The following REPIN1 variants were observed in gnomAD, a reference collection of about 807,000 sequenced individuals.
REPIN1 encodes the protein DNA-binding protein REPIN1.
In REPIN1, 4 loss-of-function variants were observed where a neutral mutation model predicts 5.7. The observed-to-expected ratio is 0.71, with a 90% CI of 0.35 to 1.62. The LOEUF is 1.62. Ranked by LOEUF, REPIN1 falls within the 40% of genes most tolerant of loss-of-function variation. The pLI is 0.05. For synonymous variants in REPIN1, 410 were observed against 386.2 expected, an observed-to-expected ratio of 1.06 and a Z score of -0.72; for missense variants, 854 against 901.0, an observed-to-expected ratio of 0.95 and a Z score of 0.67.
At position 150,369,766 on chromosome 7, in the gene REPIN1, C is replaced by G. The variant is rs752338693; in HGVS notation, c.55C>G (p.Arg19Gly). 3.7e-6 allele frequency: 6 copies of G among 1,613,840 alleles called. No homozygotes were observed. Among genetic ancestry groups the G allele is most frequent in the East Asian group, 4.5e-5 (2 of 44,880 alleles). The change falls in exon 2 of 3, where the codon CGG (arginine) becomes GGG (glycine). Residue 19 changes from arginine (R) to glycine (G), a missense_variant. By Grantham distance (125) the Arg-to-Gly change is moderately radical. This residue lies in a region of REPIN1 where 409 missense variants were observed against 418.6 expected (regional missense o/e 0.98). Transcript: ENST00000489432. ...LQFSLTPGGYRSVGRSRRCSR... is the reference protein window; with the variant it reads ...LQFSLTPGGYGSVGRSRRCSR... Reference sequence around the variant, plus strand: ...GTTTTCTCTAACACCTGGGGGCTACCGGAGTGTGGGCCGAAGCAGGCGCTG... The same window carrying G: ...GTTTTCTCTAACACCTGGGGGCTACGGGAGTGTGGGCCGAAGCAGGCGCTG...
Position 150,372,368 on chromosome 7 carries a change from G to A in REPIN1, c.1298G>A (p.Ser433Asn), listed in dbSNP as rs1406283860. 1 of 1,496,082 alleles carries A rather than the reference G, an allele frequency of 6.7e-7. No homozygotes were observed. Among genetic ancestry groups the A allele is most frequent in the South Asian group, 1.3e-5 (1 of 78,192 alleles). 92.7% of individuals were successfully genotyped at this position (1,496,082 alleles called of 1,614,324 possible). ...ATCGAAGCCCCCCCCTCCCTCTACA[G>A]CTGCGACGACTGCGGCAGGAGCTTC... ...DPIEAPPSLYSCDDCGRSFRL... is the reference protein window; with the variant it reads ...DPIEAPPSLYNCDDCGRSFRL... The change falls in exon 3 of 3, where the codon AGC becomes AAC. Residue 433 changes from serine to asparagine, a missense_variant. Ser to Asn is a conservative substitution (Grantham distance 46, BLOSUM62 1). Coordinates refer to ENST00000489432, the MANE Select transcript of REPIN1 (RefSeq NM_001099695.2).
In REPIN1 at chr7:150,372,587, A is replaced by G; in HGVS notation, c.1517A>G (p.His506Arg). Reference sequence around the variant, plus strand: ...TCCCAGGGCAGCCATCTGGCGGCGCATCGGCGCGACCACGCCCCCGATCGG... The same window carrying G: ...TCCCAGGGCAGCCATCTGGCGGCGCGTCGGCGCGACCACGCCCCCGATCGG... ...RFSQGSHLAA[H>R]RRDHAPDRPF... Residue 506 changes from histidine (H) to arginine (R), a missense_variant, in exon 3 of 3, where the codon CAT becomes CGT. Transcript: ENST00000489432. The G allele has an allele frequency of 3.1e-6, 5 of 1,604,452 alleles. No homozygotes were observed. Among genetic ancestry groups the G allele is most frequent in the Non-Finnish European group, 4.2e-6 (5 of 1,177,634 alleles).
chr7:150,368,490 C>G (rs1799058209), upstream of REPIN1, among the ~76,000 whole-genome samples: 1 of 152,102 alleles, frequency 6.6e-6, no homozygotes, highest in Admixed American at 6.5e-5. Context: ...CCGAACACCC[C>G]GGTGACCATA....
In REPIN1 at chr7:150,371,598, C is replaced by T. The variant is rs909310623; in HGVS notation, c.528C>T (p.His176=). Residue 176 remains histidine, a synonymous_variant, in exon 3 of 3, where the codon CAC becomes CAT. Transcript: ENST00000489432. ...AATPDLGFAC[H]LCGQSFRGWV... Reference sequence around the variant, plus strand: ...CCCCAGACCTGGGCTTTGCCTGCCACCTCTGTGGGCAGAGCTTCCGAGGCT... The same window carrying T: ...CCCCAGACCTGGGCTTTGCCTGCCATCTCTGTGGGCAGAGCTTCCGAGGCT... 2 of 1,604,922 alleles carry T rather than the reference C, an allele frequency of 1.2e-6. No homozygotes were observed. The highest frequency in any genetic ancestry group is 1.3e-5 in the African/African-American group (1 of 74,924).
At position 150,371,536 on chromosome 7, in the gene REPIN1, T is replaced by G; in HGVS notation, c.466T>G (p.Phe156Val). Residue 156 changes from phenylalanine to valine, a missense_variant, in exon 3 of 3, where the codon TTC (phenylalanine) becomes GTC (valine). By Grantham distance (50) the Phe-to-Val change is conservative (BLOSUM62 -1). Transcript: ENST00000489432. ...ECGRRFRHAP[F>V]LALHRQVHAA... ...TGGCCGTCGCTTTCGCCATGCCCCC[T>G]TCTTAGCACTGCACCGCCAGGTCCA... 6.2e-7 allele frequency: 1 copy of G among 1,605,202 alleles called. No individual in the cohort carries two copies. Among genetic ancestry groups the G allele is most frequent in the Non-Finnish European group, 8.5e-7 (1 of 1,179,570 alleles).
At position 150,373,018 on chromosome 7, in the gene REPIN1, G is replaced by A. The variant is rs568786439; in HGVS notation, c.*73G>A. Reference sequence around the variant, plus strand: ...TGGTGGGAGTCGCAGTGGGCTGGGGGTGCCTGCCTAGTGCTGGAGTAGGGG... The same window carrying A: ...TGGTGGGAGTCGCAGTGGGCTGGGGATGCCTGCCTAGTGCTGGAGTAGGGG... On this transcript the variant is annotated 3_prime_UTR_variant, in exon 3 of 3. Coordinates refer to ENST00000489432, the MANE Select transcript of REPIN1 (RefSeq NM_001099695.2). 5.2e-6 allele frequency: 8 copies of A among 1,548,708 alleles called. No homozygotes were observed. Among genetic ancestry groups the A allele is most frequent in the South Asian group, 1.2e-5 (1 of 80,850 alleles).
rs961330211 is a variant in REPIN1, at chr7:150,373,070, A to G, written c.*125A>G. ...CAATGGGAATCCTAGAGGGGATGGA[A>G]GACGCGGGGAGTGAGCTGGGTGGGC... is the stretch of plus-strand genomic sequence containing the variant. On this transcript the variant is annotated 3_prime_UTR_variant, in exon 3 of 3. Transcript: ENST00000489432. 2.2e-6 allele frequency: 3 copies of G among 1,350,122 alleles called. No individual in the cohort carries two copies. Among genetic ancestry groups the G allele is most frequent in the Middle Eastern group, 3.9e-4 (2 of 5,114 alleles). The allele number at this position is 1,350,122 out of a possible 1,614,324, so 83.6% of individuals were successfully genotyped here.
Position 150,371,555 on chromosome 7 carries a change from A to G in REPIN1, c.485A>G (p.Gln162Arg). The change falls in exon 3 of 3, where the codon CAG becomes CGG. Residue 162 changes from glutamine to arginine, a missense_variant. Physicochemically the swap from Gln to Arg is conservative, Grantham distance 43 (BLOSUM62 1). Transcript: ENST00000489432. ...RHAPFLALHR[Q>R]VHAAATPDLG... ...GCCCCCTTCTTAGCACTGCACCGCC[A>G]GGTCCATGCTGCTGCCACCCCAGAC... 1 of 1,604,878 alleles carries G rather than the reference A, an allele frequency of 6.2e-7. No homozygotes were observed. Among genetic ancestry groups the G allele is most frequent in the Non-Finnish European group, 8.5e-7 (1 of 1,179,382 alleles).
rs772191581 is a variant in REPIN1, at chr7:150,372,543, G to C, written c.1473G>C (p.Glu491Asp). 1.5e-5 allele frequency: 24 copies of C among 1,567,810 alleles called. No individual in the cohort carries two copies. The African/African-American group carries it at 3.3e-4, about 22-fold the overall frequency. The change falls in exon 3 of 3, where the codon GAG becomes GAC. Residue 491 changes from glutamate to aspartate, a missense_variant. By Grantham distance (45) the Glu-to-Asp change is conservative. Transcript: ENST00000489432. The part of the protein sequence containing the change: ...VHSGERPFAC[E>D]ECGRRFSQGS... ...CCGGCGAGCGGCCCTTCGCCTGCGA[G>C]GAGTGCGGCCGCCGCTTCTCCCAGG...
rs768093652 is a variant in REPIN1 at position 150,371,262 on chromosome 7, G to C, written c.192G>C (p.Arg64Ser). 1 of 1,600,108 alleles carries C rather than the reference G, an allele frequency of 6.2e-7. No homozygotes were observed. Among genetic ancestry groups the C allele is most frequent in the Admixed American group, 1.7e-5 (1 of 58,332 alleles). The change falls in exon 3 of 3, where the codon AGG becomes AGC. Residue 64 changes from arginine to serine, a missense_variant. By Grantham distance (110) the Arg-to-Ser change is moderately radical. Coordinates refer to ENST00000489432, the MANE Select transcript of REPIN1 (RefSeq NM_001099695.2). ...EEEPMLERRC[R>S]GPLAMGLAQP... The stretch of plus-strand genomic sequence containing the variant: ...AACCGATGCTGGAACGTCGTTGCAG[G>C]GGCCCCCTGGCCATGGGCCTGGCCC...
chr7:150,369,520 C>A, intron 1 of REPIN1, 151 bp from the exon 2 acceptor site: 1 of 665,184 alleles, frequency 1.5e-6, no homozygotes, highest in South Asian at 1.7e-5. Flanking sequence ...AATCCAATGT[C>A]CATTAAGGTC....
chr7:150,370,508 TGTC>T, intron 2 of REPIN1: 1 of 513,810 alleles, frequency 1.9e-6, no homozygotes, highest in Non-Finnish European at 3.5e-6. Context: ...TGTTCTCACT[TGTC>T]CTCCAGCCTC....
rs6722 is a variant in REPIN1, at chr7:150,371,844, T to G, written c.774T>G (p.Ala258=). ...QLVAHKRVHV[A]EALEEAAAKA... ...TTGCCCACAAGCGGGTGCACGTAGCTGAGGCCCTGGAGGAGGCCGCAGCCA... is the reference window on the plus strand; with the variant it reads ...TTGCCCACAAGCGGGTGCACGTAGCGGAGGCCCTGGAGGAGGCCGCAGCCA... The change falls in exon 3 of 3, where the codon GCT becomes GCG. Residue 258 remains alanine, a synonymous_variant. Transcript: ENST00000489432. 6.2e-7 allele frequency: 1 copy of G among 1,604,780 alleles called. No homozygotes were observed. The highest frequency in any genetic ancestry group is 8.5e-7 in the Non-Finnish European group (1 of 1,176,116).
Position 150,369,722 on chromosome 7 carries a change from G to C in REPIN1, c.11G>C (p.Gly4Ala). The C allele has an allele frequency of 6.2e-7, 1 of 1,613,932 alleles. No individual in the cohort carries two copies. The highest frequency in any genetic ancestry group is 8.5e-7 in the Non-Finnish European group (1 of 1,179,862). Residue 4 changes from glycine (G) to alanine (A), a missense_variant, in exon 2 of 3, where the codon GGG becomes GCG. Coordinates refer to ENST00000489432, the MANE Select transcript of REPIN1 (RefSeq NM_001099695.2). ...GGTCTGAGCTCTGCCATGGGGATAG[G>C]GGTGTCTTTATTACTGCAGTTTTCT... is the stretch of plus-strand genomic sequence containing the variant. MGI[G>A]VSLLLQFSLT...
At position 150,368,958 on chromosome 7, in the gene REPIN1, GGCGCGGGGCCACCGCGGGCCC is replaced by G. The variant is rs914321186; in HGVS notation, c.-42+21_-42+41del. ...GCCGCAGAGGTACGGCCGGGGCAGG[GGCGCGGGGCCACCGCGGGCCC>G]GCGGGGGGCCGCTCCACCTGCGGGG... On this transcript the variant is annotated intron_variant, in intron 1 of 2. Coordinates refer to ENST00000489432, the MANE Select transcript of REPIN1 (RefSeq NM_001099695.2). The G allele has an allele frequency of 5.3e-6, 2 of 378,008 alleles. No homozygotes were observed. The highest frequency in any genetic ancestry group is 1.3e-4 in the South Asian group (1 of 7,676). The allele number at this position is 378,008 out of a possible 1,614,324, so 23.4% of individuals were successfully genotyped here.
At position 150,373,157 on chromosome 7, in the gene REPIN1, C is replaced by T. The variant is rs956703349; in HGVS notation, c.*212C>T. The T allele has an allele frequency of 1.2e-5, 8 of 677,772 alleles. 1 individual carries two copies. In the Admixed American group the frequency reaches 1.8e-4, roughly 15 times the overall value. The allele number at this position is 677,772 out of a possible 1,614,324, so 42.0% of individuals were successfully genotyped here. On this transcript the variant is annotated 3_prime_UTR_variant, in exon 3 of 3. Transcript: ENST00000489432. ...AACCCACTTCCAAGCGCAGGGACGCCGGCCTCCAGCTGGTGTGTGCTAAGG... is the reference window on the plus strand; with the variant it reads ...AACCCACTTCCAAGCGCAGGGACGCTGGCCTCCAGCTGGTGTGTGCTAAGG...
Position 150,372,173 on chromosome 7 carries a change from G to A in REPIN1, c.1103G>A (p.Ser368Asn). ...CACAAACCCAACCTGCTGTCTCACA[G>A]CAAGATTCACAAGCGATCCGAGGGG... ...FRHKPNLLSH[S>N]KIHKRSEGSA... is the part of the protein sequence containing the mutation. The change falls in exon 3 of 3, where the codon AGC becomes AAC. Residue 368 changes from serine to asparagine, a missense_variant. Physicochemically the swap from Ser to Asn is conservative, Grantham distance 46. This residue lies in a region of REPIN1 where 327 missense variants were observed against 307.8 expected (regional missense o/e 1.06). Coordinates refer to ENST00000489432, the MANE Select transcript of REPIN1 (RefSeq NM_001099695.2). The A allele has an allele frequency of 6.2e-7, 1 of 1,609,564 alleles. No homozygotes were observed. Among genetic ancestry groups the A allele is most frequent in the South Asian group, 1.1e-5 (1 of 90,900 alleles).
Position 150,373,155 on chromosome 7 carries a change from GC to G in REPIN1, c.*212del. On this transcript the variant is annotated 3_prime_UTR_variant, in exon 3 of 3. Coordinates refer to ENST00000489432, the MANE Select transcript of REPIN1 (RefSeq NM_001099695.2). The stretch of plus-strand genomic sequence containing the variant: ...GGAACCCACTTCCAAGCGCAGGGAC[GC>G]CGGCCTCCAGCTGGTGTGTGCTAAG... The G allele has an allele frequency of 1.5e-6, 1 of 689,010 alleles. No individual in the cohort carries two copies. Among genetic ancestry groups the G allele is most frequent in the Non-Finnish European group, 2.5e-6 (1 of 407,092 alleles). 42.7% of individuals were successfully genotyped at this position (689,010 alleles called of 1,614,324 possible). A position where few individuals can be genotyped will look rare whatever the true frequency, so the allele number is the denominator to read the frequency against.
intron 2 of REPIN1, chr7:150,370,507 T>C: frequency 1.9e-6 from 1 of 513,274 alleles, no homozygotes; most frequent in South Asian, 2.1e-5. Flanking sequence ...CTGTTCTCAC[T>C]TGTCCTCCAG....
Sources: gnomAD v4.1 joint callset for allele counts (sites outside exome capture counted in the v4.1 genomes callset) on GRCh38, gnomAD v4.1.1 for gene constraint, gnomAD v4.1.1 regional missense constraint, MANE v1.5 for transcripts, NCBI Gene and HGNC (gene_info 2026-07-23, HGNC 2026-07-21) for gene names.